Variants in SEMA3D observed in about 807,000 individuals in gnomAD.
The protein encoded by SEMA3D is semaphorin-3D.
Under a neutral mutation model 100.1 loss-of-function variants are expected in SEMA3D, and 84 were observed. The ratio of observed to expected loss-of-function variants is 0.84; its 90% CI spans 0.70 to 1.01. The LOEUF is 1.01. Among genes scored for constraint, SEMA3D ranks in the 50% least tolerant of loss-of-function variants. The pLI is 0.00. For missense variants in SEMA3D, 875 were observed against 934.1 expected (o/e 0.94, Z 0.82); for synonymous variants, 312 against 320.7 (o/e 0.97, Z 0.29).
intron 2 of SEMA3D, among the ~76,000 whole-genome samples, chr7:85,124,478 G>A (rs1789512115): frequency 6.6e-6 from 1 of 150,998 alleles, no homozygotes; most frequent in Non-Finnish European, 1.5e-5. Flanking sequence ...GTGAGGAAAT[G>A]AATAAGATTA....
intron 5 of SEMA3D, among the ~76,000 whole-genome samples, chr7:85,080,495 A>G (rs1788024802): frequency 6.6e-6 from 1 of 152,130 alleles, no homozygotes; most frequent in Non-Finnish European, 1.5e-5. Flanking sequence ...GGCATAACTG[A>G]GCTTAATACC....
chr7:85,172,018 A>G (rs1028619559), intron 1 of SEMA3D, among the ~76,000 whole-genome samples: 1 of 151,730 alleles, frequency 6.6e-6, no homozygotes, highest in Non-Finnish European at 1.5e-5. Context: ...AGAGACACAC[A>G]TACATATATA....
chr7:85,139,636 C>T (rs1026261516), intron 2 of SEMA3D, among the ~76,000 whole-genome samples: 9 of 151,846 alleles, frequency 5.9e-5, no homozygotes, highest in African/African-American at 1.9e-4. Flanking sequence ...TTTAATCTAA[C>T]CTAAGATGTC....
chr7:85,104,239 G>T (rs866342444), intron 3 of SEMA3D, among the ~76,000 whole-genome samples: 11 of 151,948 alleles, frequency 7.2e-5, no homozygotes, highest in African/African-American at 2.7e-4. Flanking sequence ...TGTCCTCATG[G>T]AACTCACAGC....
chr7:85,164,521 G>A (rs1790840102), intron 1 of SEMA3D, among the ~76,000 whole-genome samples: 1 of 152,032 alleles, frequency 6.6e-6, no homozygotes, highest in Non-Finnish European at 1.5e-5. Flanking sequence ...ATCTCCGCAA[G>A]CTGCATTTGA....
chr7:85,073,626 A>T (rs1189579620), intron 5 of SEMA3D, among the ~76,000 whole-genome samples: 2 of 152,156 alleles, frequency 1.3e-5, no homozygotes, highest in Admixed American at 1.3e-4. Flanking sequence ...AATTTATACC[A>T]TATAGTTACT....
At chr7:85,107,968 A>G (rs886685415) in intron 3 of SEMA3D, among the ~76,000 whole-genome samples, 19 of 152,010 alleles carry the variant, frequency 1.2e-4, no homozygotes, top group Non-Finnish European at 2.2e-4. Flanking sequence ...ATTTTCCCCC[A>G]ATCACAATTA....
chr7:85,205,097 T>C, the SEMA3D span, among the ~76,000 whole-genome samples: 1 of 152,116 alleles, frequency 6.6e-6, no homozygotes, highest in Non-Finnish European at 1.5e-5. Flanking sequence ...TTTTGAGAAA[T>C]GTCTATTTAG....
intron 12 of SEMA3D, among the ~76,000 whole-genome samples, chr7:85,032,768 T>C (rs1414210283): frequency 6.6e-6 from 1 of 152,038 alleles, no homozygotes; most frequent in Non-Finnish European, 1.5e-5. Context: ...TAACCACAAC[T>C]GTAAAAATAA....
chr7:85,081,635 C>A, intron 4 of SEMA3D, 56 bp from the exon 5 acceptor site: 2 of 1,129,172 alleles, frequency 1.8e-6, no homozygotes, highest in South Asian at 2.5e-5. Context: ...CCCTAACACT[C>A]TGCAATTCTG....
At chr7:85,102,088 A>C (rs984037390) in intron 3 of SEMA3D, among the ~76,000 whole-genome samples, 2 of 152,020 alleles carry the variant, frequency 1.3e-5, no homozygotes, top group Admixed American at 6.6e-5. Context: ...TATGTATATA[A>C]AACACAACAT....
chr7:85,021,305 T>C (rs2115845762), intron 13 of SEMA3D, among the ~76,000 whole-genome samples: 1 of 151,940 alleles, frequency 6.6e-6, no homozygotes, highest in South Asian at 2.1e-4. Flanking sequence ...TAAATGACAT[T>C]CATTGCAGTG....
At chr7:85,207,572 G>T in the SEMA3D span, among the ~76,000 whole-genome samples, 5,070 of 152,120 alleles carry the variant, frequency 0.033, 119 homozygotes, top group South Asian at 0.082. Flanking sequence ...TTAAAGGAAA[G>T]TTAAGACCTG....
At chr7:85,239,184 C>G in the SEMA3D span, among the ~76,000 whole-genome samples, 68 of 152,152 alleles carry the variant, frequency 4.5e-4, no homozygotes, top group African/African-American at 1.5e-3. Context: ...GTATGTGTTA[C>G]GGTTTAAATG....
At chr7:85,027,810 C>G in intron 12 of SEMA3D, 1 of 479,316 alleles carries the variant, frequency 2.1e-6, no homozygotes, top group East Asian at 5.5e-5. Context: ...TCTGAGCTGA[C>G]CATGCACACA....
chr7:85,058,885 A>G (rs1054511168), intron 8 of SEMA3D, among the ~76,000 whole-genome samples: 1 of 152,072 alleles, frequency 6.6e-6, no homozygotes, highest in African/African-American at 2.4e-5. Flanking sequence ...TAGTGCAAAA[A>G]AAAAGAAAAC....
At chr7:85,028,024 T>C (rs1461455055) in intron 12 of SEMA3D, 5 of 578,734 alleles carry the variant, frequency 8.6e-6, no homozygotes, top group South Asian at 3.1e-5. Flanking sequence ...CGTGCCAGCA[T>C]GGCTTTTGAT....
intron 1 of SEMA3D, among the ~76,000 whole-genome samples, chr7:85,161,647 A>G (rs1436035042): frequency 6.6e-6 from 1 of 152,080 alleles, no homozygotes; most frequent in Non-Finnish European, 1.5e-5. Context: ...AAGGAAGCAA[A>G]CAATTCTTAG....
intron 1 of SEMA3D, among the ~76,000 whole-genome samples, chr7:85,171,300 A>G (rs1791076363): frequency 6.6e-6 from 1 of 152,080 alleles, no homozygotes; most frequent in Admixed American, 6.6e-5. Flanking sequence ...AATAACTGGA[A>G]TGAGCAAAGT....
Sources: gnomAD v4.1 joint callset for allele counts (sites outside exome capture counted in the v4.1 genomes callset) on GRCh38, gnomAD v4.1.1 for gene constraint, MANE v1.5 for transcripts, NCBI Gene and HGNC (gene_info 2026-07-23, HGNC 2026-07-21) for gene names.